The following TYK2 variants were observed in gnomAD, a reference collection of about 807,000 sequenced individuals.
TYK2 encodes the protein non-receptor tyrosine-protein kinase TYK2.
Under a neutral mutation model 130.9 loss-of-function variants are expected in TYK2, and 65 were observed. That is an observed-to-expected ratio of 0.50 (90% confidence interval 0.41 to 0.61). The LOEUF (loss-of-function observed/expected upper bound fraction) is 0.61. Ranked by LOEUF, TYK2 falls within the 20% of genes least tolerant of loss-of-function variation. TYK2 has a pLI of 0.00. For synonymous variants in TYK2, 647 were observed against 658.9 expected, an observed-to-expected ratio of 0.98 and a Z score of 0.28; for missense variants, 1,378 against 1,610.7, an observed-to-expected ratio of 0.86 and a Z score of 2.47.
At chr19:10,370,395 TCCCAGCTACTCCGGAGGTTGAC>T (rs2041863619) in intron 3 of TYK2, among the ~76,000 whole-genome samples, 1 of 150,356 alleles carries the variant, frequency 6.7e-6, no homozygotes, top group Non-Finnish European at 1.5e-5. Flanking sequence ...GCACCTTTAG[TCCCAGCTACTCCGGAGGTTGAC>T]GCAGGACAAT....
At chr19:10,362,793 G>A in intron 9 of TYK2, 136 bp from the exon 10 acceptor site, 1 of 744,068 alleles carries the variant, frequency 1.3e-6, no homozygotes, top group Non-Finnish European at 2.3e-6. Flanking sequence ...CACTCTTGTG[G>A]GGACACTAAC....
Position 10,354,074 on chromosome 19 carries a change from A to T in TYK2, c.2876T>A (p.Ile959Asn). 1 of 1,614,046 alleles carries T rather than the reference A, an allele frequency of 6.2e-7. No homozygotes were observed. Among genetic ancestry groups the T allele is most frequent in the Non-Finnish European group, 8.5e-7 (1 of 1,180,012 alleles). Residue 959 changes from isoleucine (I) to asparagine (N), a missense_variant, in exon 20 of 25, where the codon ATC becomes AAC. Transcript: ENST00000525621. The part of the protein sequence containing the change: ...DILRTLYHEH[I>N]IKYKGCCEDQ... ...CTCGCAGCAGCCCTTGTACTTGATG[A>T]TGTGCTCGTGGTAGAGCGTGCGCAG...
At position 10,362,566 on chromosome 19, in the gene TYK2, C is replaced by A. The variant is rs202083880; in HGVS notation, c.1459G>T (p.Val487Leu). The A allele has an allele frequency of 1.3e-6, 2 of 1,555,136 alleles. No homozygotes were observed. The highest frequency in any genetic ancestry group is 4.9e-5 in the East Asian group (2 of 41,224). Reference protein sequence around the residue: ...TSHPYRLILTVAQRSQAPDGM... With the variant: ...TSHPYRLILTLAQRSQAPDGM... ...GGGCTCACCTGGCTACGCTGGGCCA[C>A]TGTGAGGATCAGGCGGTAGGGGTGG... Residue 487 changes from valine to leucine, a missense_variant, in exon 10 of 25, where the codon GTG becomes TTG. Coordinates refer to ENST00000525621, the MANE Select transcript of TYK2 (RefSeq NM_003331.5).
At position 10,362,082 on chromosome 19, in the gene TYK2, G is replaced by C; in HGVS notation, c.1769C>G (p.Thr590Ser). The part of the protein sequence containing the change: ...SFHRVDQKEI[T>S]QLSHLGQGTR... ...GGGCCCCTTCCCTGCACCCACCTGG[G>C]TGATCTCCTTCTGGTCAACCCGGTG... The change falls in exon 12 of 25, where the codon ACC (threonine) becomes AGC (serine). Residue 590 changes from threonine (T) to serine (S), a missense_variant. Transcript: ENST00000525621. 1 of 1,614,100 alleles carries C rather than the reference G, an allele frequency of 6.2e-7. No homozygotes were observed. The highest frequency in any genetic ancestry group is 8.5e-7 in the Non-Finnish European group (1 of 1,180,008).
intron 6 of TYK2, 131 bp from the exon 7 acceptor site, chr19:10,366,029 G>A (rs2041648618): frequency 9.7e-7 from 1 of 1,034,306 alleles, no homozygotes; most frequent in East Asian, 2.6e-5. Context: ...CTAGCCAGGT[G>A]TGGTGACTTG....
chr19:10,374,365 C>T (rs1466061139), intron 3 of TYK2, among the ~76,000 whole-genome samples: 1 of 151,878 alleles, frequency 6.6e-6, no homozygotes, highest in Non-Finnish European at 1.5e-5. Flanking sequence ...AGGTGGATCA[C>T]TTGAGGTCAG....
At chr19:10,352,329 C>A (rs1236534750) in intron 23 of TYK2, 105 bp downstream of exon 23, 2 of 815,028 alleles carry the variant, frequency 2.5e-6, no homozygotes, top group Non-Finnish European at 4.3e-6. Flanking sequence ...GCCTCGGCCT[C>A]CCAAAGTGCT....
At chr19:10,356,953 C>T in intron 17 of TYK2, 1 of 579,768 alleles carries the variant, frequency 1.7e-6, no homozygotes, top group Non-Finnish European at 3.1e-6. Context: ...CAGTCAGCCT[C>T]CTGCCCCAAG....
chr19:10,366,353 G>T, intron 6 of TYK2, 64 bp downstream of exon 6: 1 of 1,535,770 alleles, frequency 6.5e-7, no homozygotes, highest in Non-Finnish European at 8.9e-7. Flanking sequence ...AGTCTACCCT[G>T]GCTCCCAGAT....
chr19:10,356,855 G>T, intron 17 of TYK2, 137 bp from the exon 18 acceptor site: 1 of 898,722 alleles, frequency 1.1e-6, no homozygotes, highest in Non-Finnish European at 1.7e-6. Context: ...TGAGGCAACT[G>T]AGGCTCCACA....
chr19:10,362,311 C>G lies in TYK2; in HGVS notation c.1622G>C (p.Gly541Ala). Residue 541 changes from glycine (G) to alanine (A), a missense_variant, in exon 11 of 25, where the codon GGG (glycine) becomes GCG (alanine). By Grantham distance (60) the Gly-to-Ala change is moderately conservative. Coordinates refer to ENST00000525621, the MANE Select transcript of TYK2 (RefSeq NM_003331.5). ...AALQGCLLRA[G>A]DDCFSLRRCC... ...GCGACGCAGAGAGAAGCAGTCATCCCCGGCCCTCAGCAAGCAGCCCTGCAA... is the reference window on the plus strand; with the variant it reads ...GCGACGCAGAGAGAAGCAGTCATCCGCGGCCCTCAGCAAGCAGCCCTGCAA... 6.2e-7 allele frequency: 1 copy of G among 1,614,168 alleles called. No homozygotes were observed. Among genetic ancestry groups the G allele is most frequent in the East Asian group, 2.2e-5 (1 of 44,886 alleles).
At chr19:10,357,012 C>A in intron 17 of TYK2, 1 of 494,006 alleles carries the variant, frequency 2.0e-6, no homozygotes, top group Non-Finnish European at 3.7e-6. Context: ...TACACTGAAG[C>A]CTCAGCCTTT....
chr19:10,371,997 G>A (rs978665341), intron 3 of TYK2, among the ~76,000 whole-genome samples: 1 of 145,652 alleles, frequency 6.9e-6, no homozygotes, highest in Admixed American at 6.9e-5. Context: ...CTGAGTTTTT[G>A]TTTTTTTTTT....
In TYK2 at chr19:10,362,367, G is replaced by A. The variant is rs868359374; in HGVS notation, c.1566C>T (p.Ser522=). 6.2e-7 allele frequency: 1 copy of A among 1,614,112 alleles called. No individual in the cohort carries two copies. ...CCCCAAGTTCCCGAACGCTGGGGAA[G>A]GACCGGCCCCAGCCCTCCAGCACGA... ...GAFVLEGWGR[S]FPSVRELGAA... is the part of the protein sequence containing the mutation. Residue 522 remains serine, a synonymous_variant, in exon 11 of 25, where the codon TCC becomes TCT. Transcript: ENST00000525621.
rs769760373 is a variant in TYK2, at chr19:10,362,476, G to T, written c.1477-20C>A. 2 of 1,580,954 alleles carry T rather than the reference G, an allele frequency of 1.3e-6. No individual in the cohort carries two copies. The highest frequency in any genetic ancestry group is 3.7e-5 in the Admixed American group (2 of 54,610). On this transcript the variant is annotated intron_variant, in intron 10 of 24. Transcript: ENST00000525621. ...TGGTGCCTGGCAGGAGGTGGCAGAG[G>T]TGGGAGCAGTAAGCAGGGGACCAGG...
chr19:10,352,940 G>A lies in TYK2; in HGVS notation c.3186C>T (p.Asp1062=), dbSNP rs767739960. The part of the protein sequence containing the change: ...HEYYRVREDG[D]SPVFWYAPEC... ...CGCCTGGTCACCAGAACACGGGGCT[G>A]TCCCCATCCTCGCGCACGCGGTAGT... The change falls in exon 22 of 25, where the codon GAC becomes GAT. Residue 1062 remains aspartate (D), a synonymous_variant. Transcript: ENST00000525621. 4 of 1,607,482 alleles carry A rather than the reference G, an allele frequency of 2.5e-6. No individual in the cohort carries two copies. Among genetic ancestry groups the A allele is most frequent in the Non-Finnish European group, 2.5e-6 (3 of 1,177,248 alleles).
Position 10,352,898 on chromosome 19 carries a change from C to G in TYK2, c.3200+28G>C, listed in dbSNP as rs375973640. The G allele has an allele frequency of 5.7e-6, 9 of 1,574,694 alleles. No individual in the cohort carries two copies. In the African/African-American group the frequency reaches 9.5e-5, roughly 17 times the overall value. ...TGCCTGTTCCAAGTGACCCCAGCACCCCCTCAGACTGCACCCCGCCTGGTC... is the reference window on the plus strand; with the variant it reads ...TGCCTGTTCCAAGTGACCCCAGCACGCCCTCAGACTGCACCCCGCCTGGTC... On this transcript the variant is annotated intron_variant, in intron 22 of 24. Coordinates refer to ENST00000525621, the MANE Select transcript of TYK2 (RefSeq NM_003331.5).
chr19:10,378,608 G>A, intron 2 of TYK2, 182 bp from the exon 3 acceptor site: 2 of 598,790 alleles, frequency 3.3e-6, no homozygotes, highest in South Asian at 3.9e-5. Flanking sequence ...GACAGGGTTG[G>A]GGTATGCATC....
chr19:10,369,826 G>A lies in TYK2; in HGVS notation c.194-1408C>T, dbSNP rs12720249. On this transcript the variant is annotated intron_variant, in intron 3 of 24. Transcript: ENST00000525621. Reference sequence around the variant, plus strand: ...TGGGAGGCTGAGGTGGGCAGACCACGAGGTCAGGAGATCAAGACCATCTTG... The same window carrying A: ...TGGGAGGCTGAGGTGGGCAGACCACAAGGTCAGGAGATCAAGACCATCTTG... 1,460 of 432,546 alleles carry A rather than the reference G, an allele frequency of 3.4e-3. 18 individuals are homozygous for A. The highest frequency in any genetic ancestry group is 0.026 in the African/African-American group (1,268 of 48,686). 26.8% of individuals were successfully genotyped at this position (432,546 alleles called of 1,614,324 possible). A position where few individuals can be genotyped will look rare whatever the true frequency, so the allele number is the denominator to read the frequency against.
Sources: allele counts gnomAD v4.1 joint callset (sites outside exome capture counted in the v4.1 genomes callset), GRCh38; gene constraint gnomAD v4.1.1; transcripts MANE v1.5; gene names NCBI Gene and HGNC (gene_info 2026-07-23, HGNC 2026-07-21).